Variants in RBFOX1 observed in about 807,000 individuals in gnomAD.
RBFOX1 encodes the protein RNA binding fox-1 homolog 1.
RBFOX1 carries 8 observed loss-of-function variants against 57.7 expected under a neutral mutation model. The ratio of observed to expected loss-of-function variants is 0.14; its 90% confidence interval spans 0.08 to 0.25. The LOEUF (loss-of-function observed/expected upper bound fraction) is 0.25, where lower values mean the gene tolerates loss of function less well. Ranked by LOEUF, RBFOX1 falls within the 10% of genes least tolerant of loss-of-function variation. The probability of loss-of-function intolerance (pLI) is 1.00; values close to 1 mark genes in which losing one functional copy is unlikely to be tolerated. For missense variants in RBFOX1, 611 were observed against 548.5 expected, an observed-to-expected ratio of 1.11 and a Z score of -1.14; for synonymous variants, 326 against 222.4, an observed-to-expected ratio of 1.47 and a Z score of -4.15.
At chr16:7,341,230 C>T (rs1242572287) in intron 4 of RBFOX1, among the ~76,000 whole-genome samples, 2 of 152,174 alleles carry the variant, frequency 1.3e-5, no homozygotes, top group Non-Finnish European at 2.9e-5. Flanking sequence ...TGCCCAGAAA[C>T]ATTGAACTCA....
intron 2 of RBFOX1, among the ~76,000 whole-genome samples, chr16:6,378,460 AGCCC>A (rs773503548): frequency 2.0e-5 from 3 of 152,204 alleles, no homozygotes; most frequent in Non-Finnish European, 4.4e-5. Flanking sequence ...TTGCAATTGT[AGCCC>A]GTCACTTTGG....
Position 7,518,371 on chromosome 16 carries a change from C to A in RBFOX1, c.252C>A (p.Thr84=), listed in dbSNP as rs752506752. 1.2e-6 allele frequency: 2 copies of A among 1,610,452 alleles called. No individual in the cohort carries two copies. The highest frequency in any genetic ancestry group is 1.7e-5 in the Admixed American group (1 of 59,886). The stretch of plus-strand genomic sequence containing the variant: ...GCCCGGCGGACACGAGCGCTCAGAC[C>A]GTCTCTGGCACCGCCACAGTAAGTG... ...EQSPADTSAQ[T]VSGTATQTDD... Residue 84 remains threonine (T), a synonymous_variant, in exon 5 of 16, where the codon ACC becomes ACA. Transcript: ENST00000550418.
chr16:6,617,381 G>C (rs1400184172), intron 2 of RBFOX1, among the ~76,000 whole-genome samples: 4 of 152,080 alleles, frequency 2.6e-5, no homozygotes, highest in African/African-American at 9.7e-5. Flanking sequence ...CTAAAGGCAT[G>C]GATGTCCAGC....
intron 4 of RBFOX1, among the ~76,000 whole-genome samples, chr16:5,903,501 T>C (rs2058361922): frequency 6.6e-6 from 1 of 152,114 alleles, no homozygotes; most frequent in African/African-American, 2.4e-5. Flanking sequence ...TAAAACAACT[T>C]AAGCTCATTT....
intron 3 of RBFOX1, among the ~76,000 whole-genome samples, chr16:6,914,869 C>G (rs1238712827): frequency 6.6e-6 from 1 of 152,212 alleles, no homozygotes; most frequent in Non-Finnish European, 1.5e-5. Flanking sequence ...AGCTGGGCAA[C>G]AGAGCAAGAC....
intron 4 of RBFOX1, among the ~76,000 whole-genome samples, chr16:7,425,125 G>A (rs1433375003): frequency 1.3e-5 from 2 of 152,112 alleles, no homozygotes; most frequent in Non-Finnish European, 2.9e-5. Context: ...ATACTGTTGG[G>A]AAATAATTTC....
At chr16:5,676,490 G>A (rs1350028622) in intron 3 of RBFOX1, among the ~76,000 whole-genome samples, 2 of 152,180 alleles carry the variant, frequency 1.3e-5, no homozygotes, top group African/African-American at 4.8e-5. Flanking sequence ...CAACCTCTCT[G>A]AGATTCAGTT....
At chr16:6,297,760 G>A (rs2078297753) in intron 1 of RBFOX1, among the ~76,000 whole-genome samples, 2 of 152,240 alleles carry the variant, frequency 1.3e-5, no homozygotes, top group South Asian at 4.1e-4. Context: ...ATGGCAGAAT[G>A]GCATGGCAGA....
intron 1 of RBFOX1, among the ~76,000 whole-genome samples, chr16:6,230,042 C>G (rs940033695): frequency 6.6e-6 from 1 of 151,832 alleles, no homozygotes; most frequent in African/African-American, 2.4e-5. Context: ...TAAGTCAAGA[C>G]TACACTTACA....
exon 3 of RBFOX1, chr16:5,599,846 A>T (rs2047307251): frequency 6.5e-6 from 1 of 152,720 alleles, no homozygotes; most frequent in Non-Finnish European, 1.5e-5. Flanking sequence ...GTGGTAAGTG[A>T]AAGGCTGAGA....
intron 1 of RBFOX1, among the ~76,000 whole-genome samples, chr16:6,107,737 GTGGA>G (rs1187520906): frequency 1.5e-5 from 1 of 65,546 alleles, no homozygotes; most frequent in African/African-American, 5.6e-5. Context: ...GGGTGGGTGG[GTGGA>G]TGGATGGATG....
chr16:6,918,117 G>T (rs1222484494), intron 3 of RBFOX1, among the ~76,000 whole-genome samples: 1 of 152,022 alleles, frequency 6.6e-6, no homozygotes, highest in Non-Finnish European at 1.5e-5. Flanking sequence ...TGAAACCCCT[G>T]TCTCTACTAA....
intron 4 of RBFOX1, among the ~76,000 whole-genome samples, chr16:7,473,422 A>G (rs913505464): frequency 6.8e-5 from 10 of 148,076 alleles, no homozygotes; most frequent in Non-Finnish European, 1.3e-4. Context: ...TTATATATAC[A>G]TAGTATATAA....
At chr16:7,230,425 C>A (rs1048091840) in intron 4 of RBFOX1, among the ~76,000 whole-genome samples, 3 of 152,108 alleles carry the variant, frequency 2.0e-5, no homozygotes, top group Admixed American at 6.6e-5. Flanking sequence ...CATCTGCCTG[C>A]CTCTAAATCC....
At chr16:5,291,051 C>T (rs946745689) in intron 1 of RBFOX1, among the ~76,000 whole-genome samples, 5 of 152,016 alleles carry the variant, frequency 3.3e-5, no homozygotes, top group African/African-American at 4.8e-5. Context: ...GCAGGGCAAG[C>T]GAGAGAATCA....
intron 4 of RBFOX1, among the ~76,000 whole-genome samples, chr16:7,288,458 T>A (rs911337446): frequency 1.3e-5 from 2 of 152,226 alleles, no homozygotes; most frequent in African/African-American, 4.8e-5. Flanking sequence ...ACCTTGCTTA[T>A]CAGATTTCTG....
rs192169341 is a variant in RBFOX1 at position 5,380,189 on chromosome 16, C to G, written c.220-87027C>G. 5.3e-5 allele frequency among the ~76,000 whole-genome samples: 8 copies of G among 152,350 alleles called. No homozygotes were observed. In the East Asian group the frequency reaches 1.5e-3, roughly 29 times the overall value. On this transcript the variant is annotated intron_variant, in intron 1 of 2. Coordinates refer to the RBFOX1 transcript ENST00000585867. ...CAGCATCCTCCGCCTGGCTCCACTT[C>G]CTGGCTGCTCAGCTTCCTCCATCTG... is the stretch of plus-strand genomic sequence containing the variant.
chr16:7,173,778 A>G (rs1009788058), intron 4 of RBFOX1, among the ~76,000 whole-genome samples: 1 of 152,242 alleles, frequency 6.6e-6, no homozygotes, highest in Non-Finnish European at 1.5e-5. Flanking sequence ...AGCACAAAGC[A>G]TCATAAATTG....
At chr16:6,783,210 G>T (rs753236448) in intron 3 of RBFOX1, among the ~76,000 whole-genome samples, 3 of 151,640 alleles carry the variant, frequency 2.0e-5, no homozygotes, top group Non-Finnish European at 1.5e-5. Context: ...CTTTTATTTG[G>T]AGAATGAAGT....
Sources: gnomAD v4.1 joint callset for allele counts (sites outside exome capture counted in the v4.1 genomes callset) on GRCh38, gnomAD v4.1.1 for gene constraint, MANE v1.5 for transcripts, NCBI Gene and HGNC (gene_info 2026-07-23, HGNC 2026-07-21) for gene names.